Variants in DCTN4 observed in about 807,000 individuals in gnomAD.
DCTN4 encodes dynactin subunit 4.
Under a neutral mutation model 62.7 loss-of-function variants are expected in DCTN4, and 23 were observed. The observed-to-expected ratio is 0.37, with a 90% confidence interval of 0.26 to 0.52. The LOEUF is 0.52. DCTN4 is among the 20% of genes least tolerant of loss of function. The pLI is 0.92. For synonymous variants in DCTN4, 199 were observed against 202.1 expected (o/e 0.98, Z 0.13); for missense variants, 514 against 580.4 (o/e 0.89, Z 1.18).
intron 8 of DCTN4, among the ~76,000 whole-genome samples, chr5:150,727,278 T>C (rs1760181000): frequency 6.6e-6 from 1 of 152,212 alleles, no homozygotes; most frequent in Non-Finnish European, 1.5e-5. Context: ...GCATACAGAG[T>C]ACTTTTGCTA....
At position 150,710,669 on chromosome 5, in the gene DCTN4, T is replaced by G. The variant is rs532965166; in HGVS notation, c.*480A>C. 8.6e-4 allele frequency: 139 copies of G among 161,518 alleles called. No individual in the cohort carries two copies. Among genetic ancestry groups the G allele is most frequent in the Middle Eastern group, 3.2e-3 (1 of 310 alleles). The allele number at this position is 161,518 out of a possible 1,614,324, so 10.0% of individuals were successfully genotyped here. A position where few individuals can be genotyped will look rare whatever the true frequency, so the allele number is the denominator to read the frequency against. On this transcript the variant is annotated 3_prime_UTR_variant, in exon 13 of 13. Transcript: ENST00000447998. ...CCATTATGGCAATGAAGGGATATGT[T>G]TTAGACTGTTAGATGATATTTAACG...
At chr5:150,755,369 C>T (rs1164951575) in intron 2 of DCTN4, among the ~76,000 whole-genome samples, 1 of 152,118 alleles carries the variant, frequency 6.6e-6, no homozygotes, top group Non-Finnish European at 1.5e-5. Context: ...CAGTAATTTT[C>T]CTTCCAAAAA....
At chr5:150,755,691 C>A in intron 2 of DCTN4, 1 of 410,308 alleles carries the variant, frequency 2.4e-6, no homozygotes, top group South Asian at 1.8e-5. Context: ...TCCTATCACA[C>A]CACACCCAAG....
rs759560537 is a variant in DCTN4, at chr5:150,758,922, G to T, written c.72C>A (p.Leu24=). ...AATAGCGGCAGAAGTAGAGTTGCGA[G>T]AGCGGGGCCCGAACCTTCTTTTCTC... ...VQGEKKVRAP[L]SQLYFCRYCS... Residue 24 remains leucine (L), a synonymous_variant, in exon 1 of 13, where the codon CTC becomes CTA. Coordinates refer to ENST00000447998, the MANE Select transcript of DCTN4 (RefSeq NM_016221.4). The T allele has an allele frequency of 3.7e-6, 6 of 1,614,030 alleles. No individual in the cohort carries two copies. The highest frequency in any genetic ancestry group is 4.2e-6 in the Non-Finnish European group (5 of 1,180,042).
At chr5:150,727,132 G>C (rs919225987) in intron 8 of DCTN4, among the ~76,000 whole-genome samples, 1 of 152,082 alleles carries the variant, frequency 6.6e-6, no homozygotes, top group African/African-American at 2.4e-5. Flanking sequence ...CTGCAGCTTT[G>C]ATTTATGAGA....
intron 8 of DCTN4, among the ~76,000 whole-genome samples, chr5:150,723,860 T>C (rs1381659498): frequency 6.6e-6 from 1 of 152,226 alleles, no homozygotes; most frequent in Non-Finnish European, 1.5e-5. Flanking sequence ...GCTTTTTTCA[T>C]TTATTCTATC....
intron 5 of DCTN4, chr5:150,731,715 G>A: frequency 1.5e-6 from 1 of 686,502 alleles, no homozygotes; most frequent in Middle Eastern, 2.4e-4. Context: ...TATTAATACA[G>A]TAAAAATGAA....
At position 150,709,852 on chromosome 5, in the gene DCTN4, C is replaced by T. The variant is rs774478506; in HGVS notation, c.*1297G>A. ...CAAAAAATCTGTATTTTCCTCAAGT[C>T]TCTTGGCCACTTACTAACAATACTT... On this transcript the variant is annotated 3_prime_UTR_variant, in exon 13 of 13. Coordinates refer to ENST00000447998, the MANE Select transcript of DCTN4 (RefSeq NM_016221.4). The T allele has an allele frequency of 4.6e-5, 7 of 152,334 alleles. No homozygotes were observed. Among genetic ancestry groups the T allele is most frequent in the Non-Finnish European group, 8.8e-5 (6 of 68,030 alleles). 9.4% of individuals were successfully genotyped at this position (152,334 alleles called of 1,614,324 possible).
chr5:150,749,952 T>C (rs145059480), intron 3 of DCTN4, among the ~76,000 whole-genome samples: 50 of 152,208 alleles, frequency 3.3e-4, no homozygotes, highest in Non-Finnish European at 6.3e-4. Context: ...AATAGCATTA[T>C]GCTAAATAAA....
At chr5:150,741,757 C>T (rs1213828901) in intron 4 of DCTN4, among the ~76,000 whole-genome samples, 1 of 152,164 alleles carries the variant, frequency 6.6e-6, no homozygotes, top group East Asian at 1.9e-4. Context: ...ATTGGGATTA[C>T]AGGCATGAGC....
intron 6 of DCTN4, 125 bp from the exon 7 acceptor site, chr5:150,731,281 C>A: frequency 1.0e-6 from 1 of 971,020 alleles, no homozygotes; most frequent in Non-Finnish European, 1.6e-6. Flanking sequence ...ATCTGTATAG[C>A]GTAGGTCTTT....
chr5:150,721,097 G>C (rs1759941938), intron 9 of DCTN4, among the ~76,000 whole-genome samples: 1 of 152,148 alleles, frequency 6.6e-6, no homozygotes, highest in African/African-American at 2.4e-5. Context: ...CCATTTCAGA[G>C]ACGAGGGAAG....
rs1274330006 is a variant in DCTN4, at chr5:150,746,875, GCA to G, written c.386-4720_386-4719del. On this transcript the variant is annotated intron_variant, in intron 3 of 12. Transcript: ENST00000447998. ...CTGGAAGCAATCCCTTTGAAAACTG[GCA>G]CAAGACAGGGATGCCCTCTCTCACC... 4.6e-5 allele frequency among the ~76,000 whole-genome samples: 7 copies of G among 152,244 alleles called. No homozygotes were observed. The East Asian group carries it at 1.3e-3, about 29-fold the overall frequency.
chr5:150,751,981 G>A (rs1251675330), intron 3 of DCTN4, among the ~76,000 whole-genome samples: 1 of 152,104 alleles, frequency 6.6e-6, no homozygotes, highest in Non-Finnish European at 1.5e-5. Flanking sequence ...GACATATAAT[G>A]AATTTGTTAT....
chr5:150,722,510 A>T (rs555876295), intron 9 of DCTN4, among the ~76,000 whole-genome samples: 1 of 152,352 alleles, frequency 6.6e-6, no homozygotes, highest in East Asian at 1.9e-4. Flanking sequence ...GAAGTGTTAT[A>T]ACACAGGTAA....
chr5:150,738,786 A>G (rs1378120068), intron 4 of DCTN4, among the ~76,000 whole-genome samples: 1 of 152,230 alleles, frequency 6.6e-6, no homozygotes, highest in East Asian at 1.9e-4. Flanking sequence ...AAAGAAATAA[A>G]GGGCATCCAA....
At chr5:150,747,610 G>C (rs936190873) in intron 3 of DCTN4, among the ~76,000 whole-genome samples, 20 of 152,034 alleles carry the variant, frequency 1.3e-4, no homozygotes, top group South Asian at 4.1e-4. Flanking sequence ...CAATGGAACA[G>C]AACAGAGCCC....
At chr5:150,747,143 T>G (rs1581598385) in intron 3 of DCTN4, among the ~76,000 whole-genome samples, 1 of 151,982 alleles carries the variant, frequency 6.6e-6, no homozygotes, top group African/African-American at 2.4e-5. Context: ...TATACACCAA[T>G]AACAGACAAA....
At chr5:150,756,142 A>T (rs541547770) in intron 2 of DCTN4, among the ~76,000 whole-genome samples, 2 of 151,826 alleles carry the variant, frequency 1.3e-5, no homozygotes, top group South Asian at 4.2e-4. Context: ...CCCAGGTTCA[A>T]GCAATTCATC....
Sources: gnomAD v4.1 joint callset for allele counts (sites outside exome capture counted in the v4.1 genomes callset) on GRCh38, gnomAD v4.1.1 for gene constraint, MANE v1.5 for transcripts, NCBI Gene and HGNC (gene_info 2026-07-23, HGNC 2026-07-21) for gene names.